Variants in HEMGN observed in about 807,000 individuals in gnomAD.
HEMGN encodes erythroid differentiation-associated gene protein.
Under a neutral mutation model 45.7 loss-of-function variants are expected in HEMGN, and 32 were observed. The observed-to-expected ratio is 0.70, with a 90% CI of 0.53 to 0.94. The LOEUF is 0.94. Ranked by LOEUF, HEMGN falls within the 40% of genes least tolerant of loss-of-function variation. The probability of loss-of-function intolerance (pLI) is 0.00; values close to 1 mark genes in which losing one functional copy is unlikely to be tolerated. For synonymous variants in HEMGN, 183 were observed against 178.6 expected (o/e 1.02, Z -0.20); for missense variants, 530 against 564.2 (o/e 0.94, Z 0.61).
In HEMGN at chr9:97,927,420, A is replaced by T; in HGVS notation, c.1419T>A (p.His473Gln). 1 of 1,609,450 alleles carries T rather than the reference A, an allele frequency of 6.2e-7. No homozygotes were observed. ...PGIPAILNES[H>Q]PENDVYSYVL... ...CATAACTATAGACATCATTTTCTGG[A>T]TGACTCTCATTCAGAATTGCTGGTA... Residue 473 changes from histidine (H) to glutamine (Q), a missense_variant, in exon 4 of 4, where the codon CAT becomes CAA. Transcript: ENST00000616898.
chr9:97,927,706 C>T (rs543040271), intron 3 of HEMGN, among the ~76,000 whole-genome samples: 3 of 151,826 alleles, frequency 2.0e-5, no homozygotes, highest in South Asian at 4.2e-4. Flanking sequence ...CTAGCAAGTT[C>T]GAATACCTAA....
chr9:97,929,827 G>A (rs113460587), intron 3 of HEMGN, among the ~76,000 whole-genome samples: 2,025 of 152,312 alleles, frequency 0.013, 38 homozygotes, highest in African/African-American at 0.046. Context: ...AGTACTTAAT[G>A]TACATGCTTG....
At chr9:97,942,274 C>CTTTTTTTT (rs56055830), upstream of HEMGN, among the ~76,000 whole-genome samples, 29 of 128,158 alleles carry the variant, frequency 2.3e-4, no homozygotes, top group African/African-American at 2.6e-4. Context: ...CTAATTCCTT[C>CTTTTTTTT]TTTTTTTTTT....
intron 1 of HEMGN, 115 bp downstream of exon 1, chr9:97,937,943 T>C: frequency 3.1e-6 from 2 of 652,434 alleles, no homozygotes; most frequent in Non-Finnish European, 5.4e-6. Flanking sequence ...CTAGTCTCAT[T>C]AGCTTTCATT....
chr9:97,937,279 A>G (rs1212575953), intron 1 of HEMGN, among the ~76,000 whole-genome samples: 1 of 152,072 alleles, frequency 6.6e-6, no homozygotes, highest in Non-Finnish European at 1.5e-5. Context: ...TTACATAGGT[A>G]TACATGTGCC....
At chr9:97,937,538 A>G (rs1827084976) in intron 1 of HEMGN, among the ~76,000 whole-genome samples, 2 of 152,124 alleles carry the variant, frequency 1.3e-5, no homozygotes, top group South Asian at 2.1e-4. Context: ...AATCATATAT[A>G]TTACTATATA....
chr9:97,935,799 T>C (rs1012662148), intron 2 of HEMGN, among the ~76,000 whole-genome samples: 2 of 152,230 alleles, frequency 1.3e-5, no homozygotes, highest in Admixed American at 6.5e-5. Context: ...AATAGAAAGC[T>C]TGGCGAACAA....
chr9:97,929,226 T>C (rs1028471484), intron 3 of HEMGN, among the ~76,000 whole-genome samples: 1 of 152,242 alleles, frequency 6.6e-6, no homozygotes, highest in Admixed American at 6.5e-5. Flanking sequence ...ATGCCTGCTT[T>C]TGCTGCAATG....
At chr9:97,940,753 G>A (rs1018891459), upstream of HEMGN, among the ~76,000 whole-genome samples, 1 of 152,194 alleles carries the variant, frequency 6.6e-6, no homozygotes, top group Admixed American at 6.5e-5. Flanking sequence ...CCCTTAGAGA[G>A]CAGATACAGC....
Position 97,930,430 on chromosome 9 carries a change from T to C in HEMGN, c.965A>G (p.Lys322Arg). Residue 322 changes from lysine (K) to arginine (R), a missense_variant, in exon 3 of 4, where the codon AAA becomes AGA. Physicochemically the swap from Lys to Arg is conservative, Grantham distance 26. Transcript: ENST00000616898. The part of the protein sequence containing the change: ...TKTHQESAEP[K>R]YLPHKTCNEI... ...GTTACATGTTTTATGAGGAAGGTAT[T>C]TAGGTTCAGCTGATTCTTGGTGTGT... The C allele has an allele frequency of 1.9e-6, 3 of 1,614,130 alleles. No individual in the cohort carries two copies. Among genetic ancestry groups the C allele is most frequent in the Non-Finnish European group, 2.5e-6 (3 of 1,180,012 alleles).
At chr9:97,938,319 T>C, upstream of HEMGN, 4 of 596,980 alleles carry the variant, frequency 6.7e-6, no homozygotes, top group Non-Finnish European at 1.2e-5. Flanking sequence ...AATTCTACTA[T>C]CTTTATCACA....
intron 2 of HEMGN, among the ~76,000 whole-genome samples, chr9:97,935,606 A>G (rs773242125): frequency 1.3e-5 from 2 of 152,166 alleles, no homozygotes; most frequent in African/African-American, 2.4e-5. Context: ...AGTTTCCACA[A>G]TCATATTTGA....
intron 2 of HEMGN, among the ~76,000 whole-genome samples, chr9:97,932,587 C>T (rs1406664975): frequency 1.3e-5 from 2 of 152,070 alleles, no homozygotes; most frequent in Admixed American, 6.5e-5. Context: ...TGGTGGATCA[C>T]GAGATCAGGA....
chr9:97,933,051 C>T (rs1017252431), intron 2 of HEMGN, among the ~76,000 whole-genome samples: 4 of 151,986 alleles, frequency 2.6e-5, no homozygotes, highest in Non-Finnish European at 4.4e-5. Context: ...CCATGTCTTC[C>T]CAGGTAGTTT....
chr9:97,934,863 G>T (rs1285975736), intron 2 of HEMGN, among the ~76,000 whole-genome samples: 1 of 152,162 alleles, frequency 6.6e-6, no homozygotes, highest in Non-Finnish European at 1.5e-5. Context: ...GATAGTAAAT[G>T]CAAATATAGT....
At position 97,930,836 on chromosome 9, in the gene HEMGN, A is replaced by G. The variant is rs191644480; in HGVS notation, c.559T>C (p.Ser187Pro). ...TTCATGTCTTGGCATATTTTGGAAG[A>G]ATTGTCTTGAAGTACAGATATTTCT... ...YQEISVLQDN[S>P]SKICQDMKEP... The change falls in exon 3 of 4, where the codon TCT (serine) becomes CCT (proline). Residue 187 changes from serine (S) to proline (P), a missense_variant. Physicochemically the swap from Ser to Pro is moderately conservative, Grantham distance 74. Transcript: ENST00000616898. 6.2e-6 allele frequency: 10 copies of G among 1,614,204 alleles called. No individual in the cohort carries two copies. The Admixed American group carries it at 1.3e-4, about 22-fold the overall frequency.
intron 1 of HEMGN, 111 bp downstream of exon 1, chr9:97,937,946 CT>C (rs1827091118): frequency 3.0e-6 from 2 of 661,552 alleles, no homozygotes; most frequent in Non-Finnish European, 5.3e-6. Context: ...GTCTCATTAG[CT>C]TTCATTTATT....
At chr9:97,935,025 G>A (rs1827032653) in intron 2 of HEMGN, among the ~76,000 whole-genome samples, 1 of 152,198 alleles carries the variant, frequency 6.6e-6, no homozygotes. Flanking sequence ...CCTGGATGCT[G>A]GCTGAAAAGA....
intron 3 of HEMGN, among the ~76,000 whole-genome samples, chr9:97,929,783 T>A (rs1254754690): frequency 6.6e-6 from 1 of 152,260 alleles, no homozygotes; most frequent in East Asian, 1.9e-4. Flanking sequence ...TTTCACTGAC[T>A]ATAGCATCTC....
Sources: gnomAD v4.1 joint callset for allele counts (sites outside exome capture counted in the v4.1 genomes callset) on GRCh38, gnomAD v4.1.1 for gene constraint, MANE v1.5 for transcripts, NCBI Gene and HGNC (gene_info 2026-07-23, HGNC 2026-07-21) for gene names.